The following ITGBL1 variants were observed in gnomAD, a reference collection of about 807,000 sequenced individuals.
ITGBL1 encodes the protein integrin beta-like protein 1.
Under a neutral mutation model 68.5 loss-of-function variants are expected in ITGBL1, and 51 were observed. That is an observed-to-expected ratio of 0.74 (90% CI 0.59 to 0.94). The LOEUF (loss-of-function observed/expected upper bound fraction) is 0.94, where lower values mean the gene tolerates loss of function less well. ITGBL1 is among the 40% of genes least tolerant of loss of function. The pLI, the probability that ITGBL1 is intolerant of heterozygous loss-of-function variation, is 0.00. For synonymous variants in ITGBL1, 209 were observed against 227.3 expected (o/e 0.92, Z 0.72); for missense variants, 649 against 647.4 (o/e 1.00, Z -0.03).
chr13:101,710,017 T>C (rs1450086378), intron 9 of ITGBL1, among the ~76,000 whole-genome samples: 1 of 152,254 alleles, frequency 6.6e-6, no homozygotes, highest in East Asian at 1.9e-4. Context: ...TGACTAAATA[T>C]TGACTCAAAG....
chr13:101,657,197 TG>T (rs539409662), intron 7 of ITGBL1, among the ~76,000 whole-genome samples: 18 of 152,356 alleles, frequency 1.2e-4, no homozygotes, highest in Non-Finnish European at 2.5e-4. Flanking sequence ...CTACATGTAT[TG>T]TATTAAATTA....
chr13:101,689,211 T>TTAAAAAAAAA (rs2033824303), intron 7 of ITGBL1, among the ~76,000 whole-genome samples: 1 of 74,868 alleles, frequency 1.3e-5, no homozygotes, highest in Non-Finnish European at 2.6e-5. Context: ...AGACTCTGCC[T>TTAAAAAAAAA]AAAAAAAAAA....
intron 5 of ITGBL1, among the ~76,000 whole-genome samples, chr13:101,582,385 GT>G (rs2050472821): frequency 6.6e-6 from 1 of 151,988 alleles, no homozygotes; most frequent in South Asian, 2.1e-4. Flanking sequence ...AATCCAACTG[GT>G]ACTTATTTTG....
At chr13:101,465,654 C>T (rs547333380) in intron 2 of ITGBL1, among the ~76,000 whole-genome samples, 1 of 152,248 alleles carries the variant, frequency 6.6e-6, no homozygotes, top group African/African-American at 2.4e-5. Flanking sequence ...GAGAAACAGG[C>T]CCTATTATCT....
chr13:101,459,210 C>T (rs1486116310), intron 2 of ITGBL1, among the ~76,000 whole-genome samples: 1 of 152,074 alleles, frequency 6.6e-6, no homozygotes, highest in African/African-American at 2.4e-5. Flanking sequence ...TTGGCCACCA[C>T]GTTTGGGGCA....
chr13:101,512,994 G>A (rs1490633905), intron 2 of ITGBL1, among the ~76,000 whole-genome samples: 1 of 152,014 alleles, frequency 6.6e-6, no homozygotes, highest in Non-Finnish European at 1.5e-5. Flanking sequence ...TAAAAATCTT[G>A]CATTCTTTCA....
chr13:101,574,240 C>T (rs1436660461), intron 3 of ITGBL1, among the ~76,000 whole-genome samples: 2 of 70,966 alleles, frequency 2.8e-5, no homozygotes, highest in Non-Finnish European at 6.0e-5. Context: ...TCATTTCATG[C>T]CACTTTTCAT....
At chr13:101,638,851 A>G (rs535496230) in intron 7 of ITGBL1, among the ~76,000 whole-genome samples, 9 of 152,352 alleles carry the variant, frequency 5.9e-5, no homozygotes, top group Admixed American at 2.0e-4. Flanking sequence ...TGCAACAGTG[A>G]GATTGAAAAT....
chr13:101,484,596 A>AT (rs1319211956), intron 2 of ITGBL1, among the ~76,000 whole-genome samples: 4 of 152,126 alleles, frequency 2.6e-5, no homozygotes, highest in Non-Finnish European at 5.9e-5. Context: ...AAATATTTTT[A>AT]TTTGTATAAA....
intron 2 of ITGBL1, among the ~76,000 whole-genome samples, chr13:101,457,300 T>G (rs984911593): frequency 1.3e-5 from 2 of 152,212 alleles, no homozygotes; most frequent in African/African-American, 4.8e-5. Flanking sequence ...TCTCTTCATG[T>G]AGTCTGGGTC....
chr13:101,598,173 GGAA>G lies in ITGBL1; in HGVS notation c.892_894del (p.Arg298del). ...TGAAGGTCATGGACAGTGTAATTGCGGAAGATGTGACTGCAAAGCAGGCTGGTA... is the reference window on the plus strand; with the variant it reads ...TGAAGGTCATGGACAGTGTAATTGCGGATGTGACTGCAAAGCAGGCTGGTA... On this transcript the variant is annotated inframe_deletion, in exon 7 of 11. Transcript: ENST00000376180. The G allele has an allele frequency of 6.2e-7, 1 of 1,613,178 alleles. No homozygotes were observed.
At chr13:101,713,355 T>C (rs1259220620) in intron 9 of ITGBL1, 2 of 152,220 alleles carry the variant, frequency 1.3e-5, no homozygotes, top group African/African-American at 4.8e-5. Flanking sequence ...CCCTTTTCAA[T>C]ATATTTTGAA....
At chr13:101,639,464 A>T (rs932255386) in intron 7 of ITGBL1, among the ~76,000 whole-genome samples, 1 of 152,190 alleles carries the variant, frequency 6.6e-6, no homozygotes, top group Non-Finnish European at 1.5e-5. Flanking sequence ...CAAATCCATT[A>T]TTTAAATTAC....
chr13:101,707,686 A>T (rs933928133), intron 9 of ITGBL1, among the ~76,000 whole-genome samples: 12 of 110,510 alleles, frequency 1.1e-4, no homozygotes, highest in Admixed American at 8.7e-4. Context: ...CTACTCTATT[A>T]AAAAAAACAC....
chr13:101,619,530 A>G (rs1216775381), intron 7 of ITGBL1, among the ~76,000 whole-genome samples: 1 of 152,186 alleles, frequency 6.6e-6, no homozygotes, highest in African/African-American at 2.4e-5. Context: ...GAAGGAATGT[A>G]GTCTTGACGA....
intron 2 of ITGBL1, among the ~76,000 whole-genome samples, chr13:101,542,988 T>G (rs2049739343): frequency 6.6e-6 from 1 of 152,204 alleles, no homozygotes; most frequent in Non-Finnish European, 1.5e-5. Flanking sequence ...TACAGCACAC[T>G]GATGGGTCTT....
chr13:101,617,708 C>G (rs1036475960), intron 7 of ITGBL1, among the ~76,000 whole-genome samples: 4 of 151,958 alleles, frequency 2.6e-5, no homozygotes, highest in African/African-American at 9.7e-5. Flanking sequence ...TAATATTTAG[C>G]CAGTTTATAG....
chr13:101,460,551 A>G (rs567100270), intron 2 of ITGBL1, among the ~76,000 whole-genome samples: 1 of 152,302 alleles, frequency 6.6e-6, no homozygotes, highest in Admixed American at 6.5e-5. Context: ...AATTTTCCTC[A>G]ATTGTACTGC....
intron 2 of ITGBL1, among the ~76,000 whole-genome samples, chr13:101,516,515 A>G (rs2049197836): frequency 1.3e-5 from 2 of 152,292 alleles, no homozygotes; most frequent in South Asian, 2.1e-4. Flanking sequence ...GAAATCCACA[A>G]TATCGCAACT....
Sources: gnomAD v4.1 joint callset for allele counts (sites outside exome capture counted in the v4.1 genomes callset) on GRCh38, gnomAD v4.1.1 for gene constraint, MANE v1.5 for transcripts, NCBI Gene and HGNC (gene_info 2026-07-23, HGNC 2026-07-21) for gene names.